RASGRF2: variants seen among roughly 807,000 people sequenced by gnomAD.
RASGRF2 encodes ras-specific guanine nucleotide-releasing factor 2.
RASGRF2 carries 76 observed loss-of-function variants against 151.0 expected under a neutral mutation model. That is an observed-to-expected ratio of 0.50 (90% confidence interval 0.42 to 0.61). The LOEUF (loss-of-function observed/expected upper bound fraction) is 0.61. RASGRF2 is among the 20% of genes least tolerant of loss of function. The pLI, the probability that RASGRF2 is intolerant of heterozygous loss-of-function variation, is 0.00. For missense variants in RASGRF2, 1,148 were observed against 1,564.6 expected, an observed-to-expected ratio of 0.73 and a Z score of 4.49; for synonymous variants, 504 against 566.5, an observed-to-expected ratio of 0.89 and a Z score of 1.57.
intron 1 of RASGRF2, among the ~76,000 whole-genome samples, chr5:80,990,004 T>C (rs1289324010): frequency 6.6e-6 from 1 of 152,136 alleles, no homozygotes; most frequent in African/African-American, 2.4e-5. Flanking sequence ...TGTGTTCCCC[T>C]TCTCCCCACC....
At chr5:81,214,069 C>A (rs558712756) in intron 23 of RASGRF2, among the ~76,000 whole-genome samples, 1 of 152,228 alleles carries the variant, frequency 6.6e-6, no homozygotes, top group African/African-American at 2.4e-5. Context: ...TAGGGATCAC[C>A]AGCTATCACC....
chr5:81,052,437 A>G (rs979336447), intron 2 of RASGRF2, among the ~76,000 whole-genome samples: 6 of 152,218 alleles, frequency 3.9e-5, no homozygotes, highest in African/African-American at 1.4e-4. Context: ...GACTGTGAAC[A>G]GGAAAGAAGG....
chr5:80,980,596 C>G (rs1386112141), intron 1 of RASGRF2, among the ~76,000 whole-genome samples: 1 of 152,082 alleles, frequency 6.6e-6, no homozygotes, highest in African/African-American at 2.4e-5. Flanking sequence ...GAACCGAGAT[C>G]GTGCCACTGC....
In RASGRF2 at chr5:81,080,774, C is replaced by G. The variant is rs1028787271; in HGVS notation, c.1146C>G (p.Thr382=). The change falls in exon 7 of 27, where the codon ACC becomes ACG. Residue 382 remains threonine, a synonymous_variant. Coordinates refer to ENST00000265080, the MANE Select transcript of RASGRF2 (RefSeq NM_006909.3). The part of the protein sequence containing the change: ...CEGRMLETFL[T]YPMFQIPRYI... ...GGAGGATGCTGGAGACATTCTTGAC[C>G]TATCCCATGTTTCAGGTAAGTCACT... 1.2e-5 allele frequency: 19 copies of G among 1,613,332 alleles called. No individual in the cohort carries two copies. The highest frequency in any genetic ancestry group is 1.6e-5 in the Non-Finnish European group (19 of 1,179,642).
chr5:81,065,843 T>C (rs1168898468), intron 2 of RASGRF2, among the ~76,000 whole-genome samples: 1 of 152,160 alleles, frequency 6.6e-6, no homozygotes, highest in African/African-American at 2.4e-5. Context: ...GTCTGGTCTA[T>C]TGATGGCATA....
intron 1 of RASGRF2, among the ~76,000 whole-genome samples, chr5:81,016,826 A>C (rs1749651717): frequency 6.6e-6 from 1 of 152,160 alleles, no homozygotes; most frequent in East Asian, 1.9e-4. Flanking sequence ...TATTGGGATA[A>C]ATGATGTAGA....
intron 17 of RASGRF2, among the ~76,000 whole-genome samples, chr5:81,166,246 G>A (rs1754503808): frequency 6.6e-6 from 1 of 151,988 alleles, no homozygotes; most frequent in Non-Finnish European, 1.5e-5. Context: ...GAATGCAGTG[G>A]CGCCATCTCA....
intron 12 of RASGRF2, among the ~76,000 whole-genome samples, chr5:81,107,636 C>A (rs1752881453): frequency 6.6e-6 from 1 of 152,140 alleles, no homozygotes; most frequent in Non-Finnish European, 1.5e-5. Context: ...TTATTGTTTG[C>A]CATCCTTTAT....
intron 18 of RASGRF2, among the ~76,000 whole-genome samples, chr5:81,188,324 C>T (rs1016542928): frequency 6.6e-6 from 1 of 152,202 alleles, no homozygotes; most frequent in African/African-American, 2.4e-5. Flanking sequence ...GCTTTTGTCC[C>T]CACTTCCTGA....
In RASGRF2 at chr5:80,960,561, C is replaced by G. The variant is rs542721215; in HGVS notation, c.-178C>G. The stretch of plus-strand genomic sequence containing the variant: ...CCTCGGCCCCAGCCCGCGCCCCTGC[C>G]ACCGCGCGCCGCGGCCTCCCGAAAG... On this transcript the variant is annotated 5_prime_UTR_variant, in exon 1 of 27. Coordinates refer to ENST00000265080, the MANE Select transcript of RASGRF2 (RefSeq NM_006909.3). This position sits in a 1 kb window ranked among gnomAD's most constrained non-coding sequence, Gnocchi z 5.5. 2.2e-6 allele frequency: 1 copy of G among 460,534 alleles called. No individual in the cohort carries two copies. Among genetic ancestry groups the G allele is most frequent in the Non-Finnish European group, 3.4e-6 (1 of 298,424 alleles). 28.5% of individuals were successfully genotyped at this position (460,534 alleles called of 1,614,324 possible). A position where few individuals can be genotyped will look rare whatever the true frequency, so the allele number is the denominator to read the frequency against.
At chr5:81,103,815 T>C (rs1232860571) in intron 12 of RASGRF2, among the ~76,000 whole-genome samples, 1 of 152,176 alleles carries the variant, frequency 6.6e-6, no homozygotes, top group East Asian at 1.9e-4. Context: ...TGAAAACCTC[T>C]TAAATGTATA....
chr5:81,089,271 C>T (rs1476962331), intron 9 of RASGRF2, among the ~76,000 whole-genome samples: 10 of 152,114 alleles, frequency 6.6e-5, no homozygotes, highest in African/African-American at 2.4e-4. Context: ...TACAATTTAT[C>T]TCTAAAGGTG....
intron 5 of RASGRF2, among the ~76,000 whole-genome samples, chr5:81,076,553 G>A (rs934015956): frequency 4.0e-5 from 6 of 150,768 alleles, no homozygotes; most frequent in African/African-American, 1.2e-4. Flanking sequence ...GGACACTTCC[G>A]TAGTTAGGAG....
chr5:81,206,946 A>G (rs376021204), intron 20 of RASGRF2, 41 bp downstream of exon 20: 9 of 1,469,624 alleles, frequency 6.1e-6, no homozygotes, highest in East Asian at 2.3e-5. Context: ...ACTATGTGCA[A>G]ACTACCTCTC....
At chr5:81,053,550 A>G (rs1751092469) in intron 2 of RASGRF2, among the ~76,000 whole-genome samples, 1 of 151,658 alleles carries the variant, frequency 6.6e-6, no homozygotes, top group African/African-American at 2.4e-5. Context: ...GTTGGTTCCG[A>G]GTCTTTGCTA....
intron 12 of RASGRF2, among the ~76,000 whole-genome samples, chr5:81,102,818 A>G (rs1752733775): frequency 6.6e-6 from 1 of 152,172 alleles, no homozygotes; most frequent in Non-Finnish European, 1.5e-5. Flanking sequence ...TGAAATCCCA[A>G]GCATGCTTGC....
At chr5:81,042,767 A>T in intron 1 of RASGRF2, 110 bp from the exon 2 acceptor site, 2 of 732,576 alleles carry the variant, frequency 2.7e-6, no homozygotes, top group Non-Finnish European at 4.5e-6. Context: ...AATTTGCATA[A>T]GCACTGATGC....
At position 80,978,218 on chromosome 5, in the gene RASGRF2, G is replaced by A. The variant is rs561892473; in HGVS notation, c.288+17192G>A. Among the ~76,000 whole-genome samples, 33 of 152,170 alleles carry A rather than the reference G, an allele frequency of 2.2e-4. No homozygotes were observed. The Middle Eastern group carries it at 0.017, about 78-fold the overall frequency. On this transcript the variant is annotated intron_variant, in intron 1 of 26. Coordinates refer to ENST00000265080, the MANE Select transcript of RASGRF2 (RefSeq NM_006909.3). ...TTTTTAAAAAGAGAGTGTCTAAAATGTATACTAAAAGGAAAATAATGCAAG... is the reference window on the plus strand; with the variant it reads ...TTTTTAAAAAGAGAGTGTCTAAAATATATACTAAAAGGAAAATAATGCAAG...
intron 18 of RASGRF2, among the ~76,000 whole-genome samples, chr5:81,197,402 G>A (rs377663042): frequency 1.8e-4 from 24 of 136,242 alleles, no homozygotes; most frequent in Non-Finnish European, 3.2e-4. Flanking sequence ...CTTGCAGTGA[G>A]CCGAGATTGC....
Sources: allele counts gnomAD v4.1 joint callset (sites outside exome capture counted in the v4.1 genomes callset), GRCh38; gene constraint gnomAD v4.1.1; non-coding constraint Gnocchi (gnomAD v3.1); transcripts MANE v1.5; gene names NCBI Gene and HGNC (gene_info 2026-07-23, HGNC 2026-07-21).